RALGPS1: variants seen among roughly 807,000 people sequenced by gnomAD.
RALGPS1 encodes the protein ras-specific guanine nucleotide-releasing factor RalGPS1.
In RALGPS1, 19 loss-of-function variants were observed where a neutral mutation model predicts 78.8. The observed-to-expected ratio is 0.24, with a 90% CI of 0.17 to 0.35. RALGPS1 has a LOEUF of 0.35. Among genes scored for constraint, RALGPS1 ranks in the 10% least tolerant of loss-of-function variants. RALGPS1 has a pLI of 1.00. For missense variants in RALGPS1, 454 were observed against 688.3 expected (o/e 0.66, Z 3.81); for synonymous variants, 228 against 256.3 (o/e 0.89, Z 1.06).
chr9:126,990,113 C>T, intron 4 of RALGPS1: 1 of 1,263,290 alleles, frequency 7.9e-7, no homozygotes, highest in Non-Finnish European at 1.1e-6. Context: ...CTTTGCTGCT[C>T]CTTGGAATCA....
chr9:126,919,121 C>T (rs73587308), intron 1 of RALGPS1, among the ~76,000 whole-genome samples: 2,815 of 152,272 alleles, frequency 0.018, 95 homozygotes, highest in African/African-American at 0.064. Context: ...CAAAGAATAG[C>T]ATTTTATACA....
intron 8 of RALGPS1, among the ~76,000 whole-genome samples, chr9:127,163,832 A>G (rs1459578399): frequency 6.6e-6 from 1 of 152,210 alleles, no homozygotes; most frequent in Non-Finnish European, 1.5e-5. Context: ...CTTTTATATA[A>G]TTAACCAAGT....
At position 126,977,743 on chromosome 9, in the gene RALGPS1, G is replaced by A; in HGVS notation, c.214G>A (p.Glu72Lys). The A allele has an allele frequency of 6.2e-7, 1 of 1,601,100 alleles. No individual in the cohort carries two copies. Among genetic ancestry groups the A allele is most frequent in the Non-Finnish European group, 8.5e-7 (1 of 1,172,550 alleles). ...DIPVFKAIQP[E>K]ELASCGWSKK... is the part of the protein sequence containing the mutation. ...ACCTGTGTTTAAAGCTATCCAGCCG[G>A]AGGTCTGTACTTTGTCTTTCTACTC... Residue 72 changes from glutamate (E) to lysine (K), a missense_variant and splice_region_variant, in exon 4 of 19, where the codon GAG (glutamate) becomes AAG (lysine). Coordinates refer to ENST00000259351, the MANE Select transcript of RALGPS1 (RefSeq NM_014636.3).
chr9:127,003,933 G>T (rs1463189796), intron 4 of RALGPS1, among the ~76,000 whole-genome samples: 1 of 152,170 alleles, frequency 6.6e-6, no homozygotes, highest in Non-Finnish European at 1.5e-5. Flanking sequence ...AGTACCAAAT[G>T]CAGAGTTCAC....
intron 4 of RALGPS1, among the ~76,000 whole-genome samples, chr9:127,013,142 G>C (rs1028373254): frequency 1.3e-5 from 2 of 152,164 alleles, no homozygotes; most frequent in African/African-American, 4.8e-5. Flanking sequence ...TTGAACACAG[G>C]TAAGGCAGTT....
At chr9:127,096,610 T>C (rs1177483172) in intron 8 of RALGPS1, among the ~76,000 whole-genome samples, 1 of 152,226 alleles carries the variant, frequency 6.6e-6, no homozygotes, top group Non-Finnish European at 1.5e-5. Context: ...AGTTTTACCT[T>C]TGGCATTTCC....
chr9:127,143,862 C>T (rs2057936797), intron 8 of RALGPS1, among the ~76,000 whole-genome samples: 1 of 152,230 alleles, frequency 6.6e-6, no homozygotes, highest in African/African-American at 2.4e-5. Flanking sequence ...CATATAGGGG[C>T]AGGAGTCCTC....
At chr9:127,099,934 G>A (rs1247817594) in intron 8 of RALGPS1, among the ~76,000 whole-genome samples, 1 of 152,232 alleles carries the variant, frequency 6.6e-6, no homozygotes, top group Non-Finnish European at 1.5e-5. Flanking sequence ...AGGAGTTGAT[G>A]AAAATGTTTG....
At chr9:127,108,980 TAGA>T (rs1418400737) in intron 8 of RALGPS1, among the ~76,000 whole-genome samples, 2 of 151,828 alleles carry the variant, frequency 1.3e-5, no homozygotes, top group African/African-American at 4.8e-5. Flanking sequence ...CCAGCAGAGG[TAGA>T]AGGGAAGAGG....
At chr9:126,942,787 G>A (rs1271327499) in intron 1 of RALGPS1, among the ~76,000 whole-genome samples, 1 of 152,144 alleles carries the variant, frequency 6.6e-6, no homozygotes, top group Non-Finnish European at 1.5e-5. Flanking sequence ...TGGAATTGAT[G>A]GCTTTACAAT....
At chr9:127,162,268 C>T (rs2139472616) in intron 8 of RALGPS1, among the ~76,000 whole-genome samples, 1 of 152,316 alleles carries the variant, frequency 6.6e-6, no homozygotes, top group Admixed American at 6.5e-5. Flanking sequence ...TTGAAATACA[C>T]AAATGATGCA....
intron 1 of RALGPS1, among the ~76,000 whole-genome samples, chr9:126,955,417 C>G (rs1042658435): frequency 6.6e-6 from 1 of 152,126 alleles, no homozygotes; most frequent in Non-Finnish European, 1.5e-5. Flanking sequence ...GTACCTGGGA[C>G]TTGGTCACCA....
At chr9:126,979,238 ATTATGTGTGTG>A (rs1238746723) in intron 4 of RALGPS1, among the ~76,000 whole-genome samples, 2 of 100,078 alleles carry the variant, frequency 2.0e-5, no homozygotes, top group Non-Finnish European at 4.2e-5. Context: ...TTATTGTATT[ATTATGTGTGTG>A]TGTGTGTGTG....
At chr9:127,142,374 G>A (rs1305937478) in intron 8 of RALGPS1, among the ~76,000 whole-genome samples, 1 of 152,146 alleles carries the variant, frequency 6.6e-6, no homozygotes, top group Non-Finnish European at 1.5e-5. Context: ...TGTGAGATGG[G>A]TCAAACTGCA....
chr9:126,928,537 G>C (rs2035508678), intron 1 of RALGPS1, among the ~76,000 whole-genome samples: 1 of 151,984 alleles, frequency 6.6e-6, no homozygotes, highest in Non-Finnish European at 1.5e-5. Context: ...CAGAATAAGA[G>C]GCAGACTGAG....
intron 8 of RALGPS1, among the ~76,000 whole-genome samples, chr9:127,143,380 T>C (rs948312342): frequency 6.6e-6 from 1 of 152,234 alleles, no homozygotes; most frequent in Non-Finnish European, 1.5e-5. Flanking sequence ...TTATTTTAAA[T>C]TAAATGATAA....
At chr9:127,168,358 A>G (rs551548885) in intron 9 of RALGPS1, among the ~76,000 whole-genome samples, 1 of 152,288 alleles carries the variant, frequency 6.6e-6, no homozygotes, top group East Asian at 1.9e-4. Context: ...GAGGCCAGGG[A>G]GCCATCTTTC....
intron 14 of RALGPS1, among the ~76,000 whole-genome samples, chr9:127,207,050 C>T (rs1324858046): frequency 1.3e-5 from 2 of 152,052 alleles, no homozygotes; most frequent in East Asian, 1.9e-4. Context: ...AGATGCTGAG[C>T]GAATCCTGCT....
intron 1 of RALGPS1, among the ~76,000 whole-genome samples, chr9:126,920,432 T>A (rs910699527): frequency 2.0e-5 from 3 of 152,088 alleles, no homozygotes; most frequent in African/African-American, 7.2e-5. Context: ...AAAGTCAAGA[T>A]GAGGAAGCAG....
Sources: allele counts gnomAD v4.1 joint callset (sites outside exome capture counted in the v4.1 genomes callset), GRCh38; gene constraint gnomAD v4.1.1; transcripts MANE v1.5; gene names NCBI Gene and HGNC (gene_info 2026-07-23, HGNC 2026-07-21).